Variants in XDH observed in about 807,000 individuals in gnomAD.
XDH encodes xanthine dehydrogenase, also known as xanthine dehydrogenase/oxidase.
In XDH, 138 loss-of-function variants were observed where a neutral mutation model predicts 156.1. The observed-to-expected ratio is 0.88, with a 90% CI of 0.77 to 1.02. The LOEUF is 1.02. XDH is among the 50% of genes least tolerant of loss of function. The pLI, the probability that XDH is intolerant of heterozygous loss-of-function variation, is 0.00. For missense variants in XDH, 1,849 were observed against 1,684.9 expected, an observed-to-expected ratio of 1.10 and a Z score of -1.71; for synonymous variants, 669 against 625.7, an observed-to-expected ratio of 1.07 and a Z score of -1.03.
At chr2:31,344,584 C>A (rs1685228527) in intron 31 of XDH, 100 bp downstream of exon 31, 2 of 1,370,866 alleles carry the variant, frequency 1.5e-6, no homozygotes, top group South Asian at 2.3e-5. Context: ...TGGAGCTGCT[C>A]TCTCCTGACC....
intron 6 of XDH, among the ~76,000 whole-genome samples, chr2:31,390,792 C>T (rs1340863991): frequency 6.6e-6 from 1 of 152,208 alleles, no homozygotes; most frequent in East Asian, 1.9e-4. Flanking sequence ...ACTGGCCATC[C>T]ATATACCTTC....
chr2:31,341,368 A>G lies in XDH; in HGVS notation c.3546T>C (p.Asp1182=). ...HKNLRTDIVM[D]VGSSLNPAID... ...TGGCAGGGTTTAGACTGGAGCCAAC[A>G]TCCATGACAATATCTGTGCGGAGGT... The change falls in exon 33 of 36, where the codon GAT becomes GAC. Residue 1182 remains aspartate, a synonymous_variant. Coordinates refer to ENST00000379416, the MANE Select transcript of XDH (RefSeq NM_000379.4). 6.3e-7 allele frequency: 1 copy of G among 1,579,900 alleles called. No individual in the cohort carries two copies. The highest frequency in any genetic ancestry group is 8.6e-7 in the Non-Finnish European group (1 of 1,160,096).
Position 31,335,729 on chromosome 2 carries a change from C to A in XDH, c.*229G>T. 1.6e-6 allele frequency: 1 copy of A among 615,524 alleles called. No homozygotes were observed. Among genetic ancestry groups the A allele is most frequent in the South Asian group, 1.9e-5 (1 of 52,022 alleles). 38.1% of individuals were successfully genotyped at this position (615,524 alleles called of 1,614,324 possible). On this transcript the variant is annotated 3_prime_UTR_variant, in exon 36 of 36. Transcript: ENST00000379416. ...AACAGACAGAAAATGATCCTAATTG[C>A]ATATTCACCATTTAGGCATAACAGT...
rs1685905917 is a variant in XDH, at chr2:31,366,016, T to C, written c.2416A>G (p.Ser806Gly). Reference protein sequence around the residue: ...GGGFGGKETRSTVVSTAVALA... With the variant: ...GGGFGGKETRGTVVSTAVALA... The stretch of plus-strand genomic sequence containing the variant: ...GCCACTGCCGTGGACACCACAGTGC[T>C]CCGGGTCTCCTTGCCTCCAAAGCCT... Residue 806 changes from serine (S) to glycine (G), a missense_variant, in exon 22 of 36, where the codon AGC becomes GGC. Transcript: ENST00000379416. 1 of 1,614,068 alleles carries C rather than the reference T, an allele frequency of 6.2e-7. No homozygotes were observed. The highest frequency in any genetic ancestry group is 8.5e-7 in the Non-Finnish European group (1 of 1,180,034).
At chr2:31,380,206 G>T (rs1243581850) in intron 12 of XDH, among the ~76,000 whole-genome samples, 1 of 152,148 alleles carries the variant, frequency 6.6e-6, no homozygotes, top group Non-Finnish European at 1.5e-5. Context: ...AGGGGGAAAA[G>T]CCCTGGTTTA....
chr2:31,406,140 T>A (rs1687186635), intron 1 of XDH, among the ~76,000 whole-genome samples, 176 bp from the exon 2 acceptor site: 1 of 152,218 alleles, frequency 6.6e-6, no homozygotes, highest in South Asian at 2.1e-4. Flanking sequence ...GTGTTGAAGG[T>A]GGGGCCTAGT....
chr2:31,386,852 G>A (rs1199861222), intron 8 of XDH, among the ~76,000 whole-genome samples: 1 of 17,016 alleles, frequency 5.9e-5, no homozygotes, highest in Admixed American at 6.8e-4. Flanking sequence ...GTCCCCAACA[G>A]ACCTGGCTGA....
At chr2:31,409,748 G>C (rs1416891176) in intron 1 of XDH, among the ~76,000 whole-genome samples, 4 of 152,208 alleles carry the variant, frequency 2.6e-5, no homozygotes, top group Admixed American at 6.6e-5. Flanking sequence ...ATAACTGTTT[G>C]CAAGGACGTG....
chr2:31,388,121 T>C (rs919099672), intron 7 of XDH, 106 bp downstream of exon 7: 3 of 1,314,918 alleles, frequency 2.3e-6, no homozygotes, highest in African/African-American at 2.9e-5. Flanking sequence ...CGACTCACCG[T>C]AGGTTCCTCT....
At chr2:31,381,551 T>G (rs1686436201) in intron 12 of XDH, 82 bp downstream of exon 12, 2 of 1,415,142 alleles carry the variant, frequency 1.4e-6, no homozygotes, top group African/African-American at 2.8e-5. Flanking sequence ...CTTTGAGCTC[T>G]GTTTCTCCAG....
At chr2:31,346,645 T>G in intron 30 of XDH, 124 bp downstream of exon 30, 1 of 1,189,914 alleles carries the variant, frequency 8.4e-7, no homozygotes, top group Non-Finnish European at 1.3e-6. Flanking sequence ...ACAAACCACC[T>G]CAACTTCTCT....
At chr2:31,378,175 G>GC (rs1686325429) in intron 13 of XDH, among the ~76,000 whole-genome samples, 2 of 71,598 alleles carry the variant, frequency 2.8e-5, no homozygotes, top group East Asian at 4.3e-4. Context: ...AGGAAGGAAG[G>GC]AAGCAAGCAA....
chr2:31,362,873 T>G (rs924991582), intron 24 of XDH, among the ~76,000 whole-genome samples: 1 of 152,234 alleles, frequency 6.6e-6, no homozygotes, highest in African/African-American at 2.4e-5. Flanking sequence ...AGTATGAGAG[T>G]GTTCAGAGCA....
chr2:31,370,581 T>C, intron 17 of XDH, 103 bp from the exon 18 acceptor site: 1 of 1,438,470 alleles, frequency 7.0e-7, no homozygotes, highest in Non-Finnish European at 9.6e-7. Context: ...CTTGGCTCCA[T>C]CCTAATTCCT....
In XDH at chr2:31,401,336, C is replaced by A. The variant is rs1687053315; in HGVS notation, c.198-8G>T. 6.2e-7 allele frequency: 1 copy of A among 1,613,930 alleles called. No individual in the cohort carries two copies. The highest frequency in any genetic ancestry group is 8.5e-7 in the Non-Finnish European group (1 of 1,179,938). ...GCATTGGCAGAAAAGTGGCTAGAACCCCAGATTAAGGTCATTCCATTTATT... is the reference window on the plus strand; with the variant it reads ...GCATTGGCAGAAAAGTGGCTAGAACACCAGATTAAGGTCATTCCATTTATT... On this transcript the variant is annotated splice_polypyrimidine_tract_variant and splice_region_variant and intron_variant, in intron 3 of 35. Transcript: ENST00000379416.
chr2:31,387,766 TCA>T, intron 8 of XDH, 43 bp downstream of exon 8: 3 of 1,525,462 alleles, frequency 2.0e-6, no homozygotes, highest in East Asian at 2.4e-5. Context: ...TTCCAGGGAC[TCA>T]CAGTACAGAC....
At chr2:31,345,285 C>T (rs952182051) in intron 30 of XDH, among the ~76,000 whole-genome samples, 1 of 152,176 alleles carries the variant, frequency 6.6e-6, no homozygotes, top group Admixed American at 6.5e-5. Context: ...TTGGTGAACT[C>T]TCCCTAACTG....
intron 13 of XDH, among the ~76,000 whole-genome samples, chr2:31,378,188 A>G (rs1572546281): frequency 1.1e-5 from 1 of 93,050 alleles, no homozygotes; most frequent in Non-Finnish European, 2.4e-5. Flanking sequence ...GCAAGCAAGC[A>G]AGCAAAGCAA....
chr2:31,355,938 T>C (rs956196804), intron 24 of XDH, among the ~76,000 whole-genome samples: 2 of 152,100 alleles, frequency 1.3e-5, no homozygotes, highest in African/African-American at 2.4e-5. Flanking sequence ...AGATATAACA[T>C]GCAAACATTA....
Sources: allele counts gnomAD v4.1 joint callset (sites outside exome capture counted in the v4.1 genomes callset), GRCh38; gene constraint gnomAD v4.1.1; transcripts MANE v1.5; gene names NCBI Gene and HGNC (gene_info 2026-07-23, HGNC 2026-07-21).